ANTXR1: variants seen among roughly 807,000 people sequenced by gnomAD.
ANTXR1 encodes anthrax toxin receptor 1.
Under a neutral mutation model 78.1 loss-of-function variants are expected in ANTXR1, and 19 were observed. The observed-to-expected ratio is 0.24, with a 90% CI of 0.17 to 0.36. The LOEUF is 0.36. Ranked by LOEUF, ANTXR1 falls within the 10% of genes least tolerant of loss-of-function variation. ANTXR1 has a pLI of 1.00. For synonymous variants in ANTXR1, 273 were observed against 260.5 expected, an observed-to-expected ratio of 1.05 and a Z score of -0.46; for missense variants, 518 against 718.6, an observed-to-expected ratio of 0.72 and a Z score of 3.19.
intron 1 of ANTXR1, among the ~76,000 whole-genome samples, chr2:69,032,386 C>A (rs763644724): frequency 6.6e-5 from 10 of 152,060 alleles, no homozygotes; most frequent in South Asian, 6.2e-4. Flanking sequence ...ACCCACCCCC[C>A]CAAAATTTCC....
intron 17 of ANTXR1, among the ~76,000 whole-genome samples, chr2:69,229,612 C>T (rs1675538701): frequency 6.6e-6 from 1 of 151,938 alleles, no homozygotes. Flanking sequence ...TAACTGGGGA[C>T]AGGAAAAATA....
chr2:69,062,876 TA>T lies in ANTXR1; in HGVS notation c.297-7764del, dbSNP rs374890416. Reference sequence around the variant, plus strand: ...GGGGAAGATATGGGTGATCAGAAATTAAAAAAAGAAAACTCAAAGAAAGAAC... The same window carrying T: ...GGGGAAGATATGGGTGATCAGAAATTAAAAAAGAAAACTCAAAGAAAGAAC... On this transcript the variant is annotated intron_variant, in intron 3 of 17. Coordinates refer to ENST00000303714, the MANE Select transcript of ANTXR1 (RefSeq NM_032208.3). Among the ~76,000 whole-genome samples, 46 of 151,634 alleles carry T rather than the reference TA, an allele frequency of 3.0e-4. No individual in the cohort carries two copies. In the East Asian group the frequency reaches 6.8e-3, roughly 22 times the overall value.
chr2:69,237,269 A>C (rs1675788127), intron 17 of ANTXR1, among the ~76,000 whole-genome samples: 1 of 152,230 alleles, frequency 6.6e-6, no homozygotes, highest in African/African-American at 2.4e-5. Flanking sequence ...AATCAATTAA[A>C]AGAGTTGACC....
chr2:69,016,388 C>T (rs1193296490), intron 1 of ANTXR1, among the ~76,000 whole-genome samples: 1 of 151,884 alleles, frequency 6.6e-6, no homozygotes, highest in Non-Finnish European at 1.5e-5. Flanking sequence ...ATTTCATGTC[C>T]TAAAGAAAAA....
At chr2:69,121,621 G>A (rs1261952424) in intron 10 of ANTXR1, among the ~76,000 whole-genome samples, 2 of 152,122 alleles carry the variant, frequency 1.3e-5, no homozygotes, top group Non-Finnish European at 2.9e-5. Flanking sequence ...TATCATAAGC[G>A]ACATCAGTGT....
intron 17 of ANTXR1, among the ~76,000 whole-genome samples, chr2:69,209,576 T>C (rs1674988566): frequency 6.6e-6 from 1 of 152,228 alleles, no homozygotes; most frequent in African/African-American, 2.4e-5. Context: ...AACAGTGTGA[T>C]GAGTGGAAAG....
rs1168699360 is a variant in ANTXR1 at position 69,221,784 on chromosome 2, A to G, written c.1435-23441A>G. On this transcript the variant is annotated intron_variant, in intron 17 of 17. Transcript: ENST00000303714. ...GGAAATAAATATGTACTTTGCAAAT[A>G]ATAACAATGGCTGTGTGGAGTTAGT... Among the ~76,000 whole-genome samples, 7 of 152,204 alleles carry G rather than the reference A, an allele frequency of 4.6e-5. 1 individual carries two copies. Among genetic ancestry groups the G allele is most frequent in the Non-Finnish European group, 1.0e-4 (7 of 68,046 alleles).
Position 69,247,953 on chromosome 2 carries a change from A to G in ANTXR1, c.*2468A>G, listed in dbSNP as rs906206123. The G allele has an allele frequency of 1.9e-5, 3 of 154,132 alleles. No homozygotes were observed. The highest frequency in any genetic ancestry group is 4.1e-4 in the South Asian group (2 of 4,832). The allele number at this position is 154,132 out of a possible 1,614,324, so 9.5% of individuals were successfully genotyped here. A position where few individuals can be genotyped will look rare whatever the true frequency, so the allele number is the denominator to read the frequency against. On this transcript the variant is annotated 3_prime_UTR_variant, in exon 18 of 18. Coordinates refer to ENST00000303714, the MANE Select transcript of ANTXR1 (RefSeq NM_032208.3). ...GATGATTTTGAAAAGGCTCAGCAGGATTTGTTCTTAAACCGACTCAGTGTG... is the reference window on the plus strand; with the variant it reads ...GATGATTTTGAAAAGGCTCAGCAGGGTTTGTTCTTAAACCGACTCAGTGTG...
At chr2:69,094,072 T>A (rs571919427) in intron 9 of ANTXR1, among the ~76,000 whole-genome samples, 2 of 152,378 alleles carry the variant, frequency 1.3e-5, no homozygotes, top group South Asian at 4.1e-4. Context: ...GATTTCTTGT[T>A]GACCATTCTC....
chr2:69,215,289 A>G (rs1675148595), intron 17 of ANTXR1, among the ~76,000 whole-genome samples: 1 of 152,238 alleles, frequency 6.6e-6, no homozygotes, highest in South Asian at 2.1e-4. Context: ...TTTCTCTCCA[A>G]GAAATCCCTT....
chr2:69,121,085 G>A (rs151266119), intron 10 of ANTXR1, among the ~76,000 whole-genome samples: 216 of 152,190 alleles, frequency 1.4e-3, no homozygotes, highest in African/African-American at 4.8e-3. Context: ...GCCTTTCCTT[G>A]GGGAAGCATT....
intron 17 of ANTXR1, among the ~76,000 whole-genome samples, chr2:69,236,294 ATATG>A (rs1675761977): frequency 4.6e-5 from 7 of 152,198 alleles, no homozygotes; most frequent in Admixed American, 1.3e-4. Flanking sequence ...GTGTGTATAT[ATATG>A]TGAGTTTGTG....
At chr2:69,153,033 A>G (rs1019607606) in intron 13 of ANTXR1, among the ~76,000 whole-genome samples, 1 of 152,186 alleles carries the variant, frequency 6.6e-6, no homozygotes, top group Non-Finnish European at 1.5e-5. Context: ...AGAAAAAAAA[A>G]CATTCCCTGT....
At chr2:69,191,922 C>A (rs550544582) in intron 16 of ANTXR1, among the ~76,000 whole-genome samples, 3 of 152,350 alleles carry the variant, frequency 2.0e-5, no homozygotes, top group African/African-American at 7.2e-5. Flanking sequence ...TTCCTCTCCA[C>A]AGCCCTCTGG....
At chr2:69,105,305 A>G (rs1671772297) in intron 10 of ANTXR1, among the ~76,000 whole-genome samples, 1 of 152,250 alleles carries the variant, frequency 6.6e-6, no homozygotes, top group Admixed American at 6.5e-5. Flanking sequence ...TTGTTGGGGT[A>G]GGGATTTGGC....
At chr2:69,123,511 G>A (rs1035782527) in intron 11 of ANTXR1, among the ~76,000 whole-genome samples, 1 of 152,166 alleles carries the variant, frequency 6.6e-6, no homozygotes, top group East Asian at 1.9e-4. Flanking sequence ...CTCCTCCTTA[G>A]AGAAAGGGAG....
intron 13 of ANTXR1, among the ~76,000 whole-genome samples, chr2:69,167,171 G>A (rs1194784113): frequency 1.3e-5 from 2 of 152,250 alleles, no homozygotes; most frequent in Non-Finnish European, 2.9e-5. Flanking sequence ...GACACAGTGG[G>A]AGGGAAGTAA....
At chr2:69,145,422 G>C (rs752794249) in intron 12 of ANTXR1, 2 of 1,566,100 alleles carry the variant, frequency 1.3e-6, no homozygotes, top group Non-Finnish European at 1.7e-6. Flanking sequence ...TCCTGAAAAC[G>C]GGGAGAGAGG....
At chr2:69,231,733 A>G (rs1040234149) in intron 17 of ANTXR1, among the ~76,000 whole-genome samples, 3 of 152,120 alleles carry the variant, frequency 2.0e-5, no homozygotes, top group Non-Finnish European at 4.4e-5. Flanking sequence ...GACCGCCTTC[A>G]TTGTACCTCA....
Sources: gnomAD v4.1 joint callset for allele counts (sites outside exome capture counted in the v4.1 genomes callset) on GRCh38, gnomAD v4.1.1 for gene constraint, MANE v1.5 for transcripts, NCBI Gene and HGNC (gene_info 2026-07-23, HGNC 2026-07-21) for gene names.